The following ATP8B3 variants were observed in gnomAD, a reference collection of about 807,000 sequenced individuals.
ATP8B3 encodes phospholipid-transporting ATPase IK.
In ATP8B3, 141 loss-of-function variants were observed where a neutral mutation model predicts 140.9. That is an observed-to-expected ratio of 1.00 (90% confidence interval 0.87 to 1.15). ATP8B3 has a LOEUF of 1.15. ATP8B3 is among the 50% of genes most tolerant of loss of function. The pLI, the probability that ATP8B3 is intolerant of heterozygous loss-of-function variation, is 0.00. For missense variants in ATP8B3, 1,874 were observed against 1,740.6 expected (o/e 1.08, Z -1.36); for synonymous variants, 765 against 714.6 (o/e 1.07, Z -1.13).
In ATP8B3 at chr19:1,796,163, G is replaced by C; in HGVS notation, c.1856C>G (p.Thr619Arg). The change falls in exon 17 of 29, where the codon ACG (threonine) becomes AGG (arginine). Residue 619 changes from threonine (T) to arginine (R), a missense_variant. Around this residue, in one of 3 missense-constraint regions of ATP8B3, gnomAD observed 1,032 missense variants for 963.6 expected, o/e 1.07. Coordinates refer to ENST00000310127, the MANE Select transcript of ATP8B3 (RefSeq NM_138813.4). The stretch of plus-strand genomic sequence containing the variant: ...CCGTTCCTCCCCCAGCTCCATGATC[G>C]TGACGGTGTCCTGGGTGCGGGACAG... Reference protein sequence around the residue: ...VFLSRTQDTVTIMELGEERVY... With the variant: ...VFLSRTQDTVRIMELGEERVY... 2 of 1,612,990 alleles carry C rather than the reference G, an allele frequency of 1.2e-6. No homozygotes were observed. Among genetic ancestry groups the C allele is most frequent in the South Asian group, 1.1e-5 (1 of 91,084 alleles).
chr19:1,812,063 C>A (rs951435640), intron 1 of ATP8B3, 123 bp downstream of exon 1: 1 of 281,964 alleles, frequency 3.5e-6, no homozygotes, highest in Non-Finnish European at 6.6e-6. Context: ...CCCGACCGCG[C>A]GAACCTCTAG....
At chr19:1,787,583 G>C (rs1231081925) in intron 24 of ATP8B3, among the ~76,000 whole-genome samples, 1 of 152,010 alleles carries the variant, frequency 6.6e-6, no homozygotes, top group Non-Finnish European at 1.5e-5. Context: ...ATAAAAAGTA[G>C]CTGGGCGTGG....
At chr19:1,788,871 T>G (rs1568621273) in intron 24 of ATP8B3, 26 bp downstream of exon 24, 1 of 1,555,832 alleles carries the variant, frequency 6.4e-7, no homozygotes, top group Non-Finnish European at 8.7e-7. Context: ...GCCCTGGTCA[T>G]GGGGCAGCCA....
At chr19:1,801,505 C>G (rs1169650141) in intron 12 of ATP8B3, among the ~76,000 whole-genome samples, 1 of 152,146 alleles carries the variant, frequency 6.6e-6, no homozygotes, top group Non-Finnish European at 1.5e-5. Flanking sequence ...AATCCTAGCA[C>G]TTTGGGAGGC....
chr19:1,808,260 C>T lies in ATP8B3; in HGVS notation c.478G>A (p.Val160Met), dbSNP rs530836460. The T allele has an allele frequency of 1.5e-5, 24 of 1,612,948 alleles. No individual in the cohort carries two copies. Among genetic ancestry groups the T allele is most frequent in the African/African-American group, 1.2e-4 (9 of 75,026 alleles). The change falls in exon 5 of 29, where the codon GTG (valine) becomes ATG (methionine). Residue 160 changes from valine to methionine, a missense_variant. Transcript: ENST00000310127. ...PLNLYEQFHR[V>M]SNLFFLIIII... ...ATGATGAGGAAGAACAGGTTGGACA[C>T]GCGGTGGAACTGCTCGTACAGGTTC... is the stretch of plus-strand genomic sequence containing the variant.
Position 1,808,352 on chromosome 19 carries a change from G to C in ATP8B3, c.403-17C>G, listed in dbSNP as rs770927408. The C allele has an allele frequency of 1.5e-5, 24 of 1,595,136 alleles. No homozygotes were observed. The highest frequency in any genetic ancestry group is 2.0e-5 in the Non-Finnish European group (23 of 1,166,720). ...GACATTGGTCTGGAACGAGAGCCGC[G>C]GGCTGCCTGGCAGAGGGGTGCCATC... On this transcript the variant is annotated splice_polypyrimidine_tract_variant and intron_variant, in intron 4 of 28. Coordinates refer to ENST00000310127, the MANE Select transcript of ATP8B3 (RefSeq NM_138813.4).
Position 1,806,020 on chromosome 19 carries a change from G to C in ATP8B3, c.751-62C>G. 6.2e-7 allele frequency: 1 copy of C among 1,606,706 alleles called. No homozygotes were observed. Among genetic ancestry groups the C allele is most frequent in the Non-Finnish European group, 8.5e-7 (1 of 1,176,190 alleles). On this transcript the variant is annotated intron_variant, in intron 8 of 28. Transcript: ENST00000310127. This position sits in a 1 kb window ranked among gnomAD's most constrained non-coding sequence, Gnocchi z 5.6. ...TGCAAGACAAATTGGGGGTGCGGCA[G>C]CCCTCCCCACCCTGGGAGGGGTGCT...
At chr19:1,795,027 C>A (rs750383407) in intron 18 of ATP8B3, among the ~76,000 whole-genome samples, 1 of 152,158 alleles carries the variant, frequency 6.6e-6, no homozygotes, top group East Asian at 1.9e-4. Context: ...GAGGGCGAGG[C>A]GGGTGGATCA....
At position 1,785,313 on chromosome 19, in the gene ATP8B3, T is replaced by G. The variant is rs780011259; in HGVS notation, c.3394-16A>C. The stretch of plus-strand genomic sequence containing the variant: ...TAAGAATGACCTGGACAGGCAGCGG[T>G]GGGGTAAATCCGGGGCCTAGCGGGG... On this transcript the variant is annotated splice_polypyrimidine_tract_variant and intron_variant, in intron 26 of 28. Transcript: ENST00000310127. The G allele has an allele frequency of 1.3e-6, 2 of 1,579,704 alleles. No individual in the cohort carries two copies. Among genetic ancestry groups the G allele is most frequent in the South Asian group, 2.3e-5 (2 of 86,220 alleles).
intron 4 of ATP8B3, 54 bp downstream of exon 4, chr19:1,809,589 G>A (rs1425799018): frequency 3.7e-5 from 55 of 1,487,916 alleles, no homozygotes; most frequent in South Asian, 1.2e-5. Flanking sequence ...TAGATTCCCC[G>A]AGGGTACCAC....
intron 21 of ATP8B3, 114 bp from the exon 22 acceptor site, chr19:1,790,103 C>A (rs1314289124): frequency 2.8e-6 from 2 of 723,776 alleles, no homozygotes; most frequent in African/African-American, 3.7e-5. Flanking sequence ...ACCCCTGCCC[C>A]TTCTCCTCCC....
chr19:1,792,946 TG>T (rs1327577177), intron 18 of ATP8B3, among the ~76,000 whole-genome samples: 2 of 147,946 alleles, frequency 1.4e-5, no homozygotes, highest in East Asian at 3.9e-4. Context: ...AAAACTGAGC[TG>T]CCCCTGCTCC....
Position 1,796,883 on chromosome 19 carries a change from G to C in ATP8B3, c.1585-4C>G. ...TGTTCCAGAGGTAGGGGTTCTCCTG[G>C]GGGTGGCGGGGGCACGGGCCGGCTG... On this transcript the variant is annotated splice_region_variant and splice_polypyrimidine_tract_variant and intron_variant, in intron 15 of 28. Coordinates refer to ENST00000310127, the MANE Select transcript of ATP8B3 (RefSeq NM_138813.4). 6.2e-7 allele frequency: 1 copy of C among 1,611,122 alleles called. No homozygotes were observed.
Position 1,789,929 on chromosome 19 carries a change from C to A in ATP8B3, c.2439G>T (p.Ser813=), listed in dbSNP as rs772418650. 3.1e-6 allele frequency: 5 copies of A among 1,612,132 alleles called. No homozygotes were observed. The highest frequency in any genetic ancestry group is 1.1e-5 in the South Asian group (1 of 91,082). Residue 813 remains serine, a synonymous_variant, in exon 22 of 29, where the codon TCG becomes TCT. Coordinates refer to ENST00000310127, the MANE Select transcript of ATP8B3 (RefSeq NM_138813.4). The part of the protein sequence containing the change: ...SNNLLTRESL[S]QVKLALVING... ...TAATGACCAAGGCCAGCTTGACCTG[C>A]GACAGGGACTCCCTGGTTAGAAGGT...
Position 1,800,595 on chromosome 19 carries a change from G to T in ATP8B3, c.1153-146C>A. On this transcript the variant is annotated intron_variant, in intron 12 of 28. Transcript: ENST00000310127. The surrounding 1 kb of genome is among the most constrained non-coding windows in gnomAD (Gnocchi z 4.4). ...AGCACTTCAGGAGGCTAAGGCAGGC[G>T]GATGGCTTGACGTCAGGAGTTCAAG... 2 of 732,462 alleles carry T rather than the reference G, an allele frequency of 2.7e-6. No individual in the cohort carries two copies. The highest frequency in any genetic ancestry group is 4.4e-6 in the Non-Finnish European group (2 of 451,896). The allele number at this position is 732,462 out of a possible 1,614,324, so 45.4% of individuals were successfully genotyped here.
At position 1,805,940 on chromosome 19, in the gene ATP8B3, CCAG is replaced by C; in HGVS notation, c.766_768del (p.Leu256del). The C allele has an allele frequency of 6.2e-7, 1 of 1,611,040 alleles. No homozygotes were observed. The highest frequency in any genetic ancestry group is 8.5e-7 in the Non-Finnish European group (1 of 1,178,300). ...CACAGGCTGCTGGGCTCCGTGCTGG[CCAG>C]CAAGAGCATGTCGGCCTGGTGTGGA... is the stretch of plus-strand genomic sequence containing the variant. On this transcript the variant is annotated inframe_deletion, in exon 9 of 29. Transcript: ENST00000310127. The surrounding 1 kb of genome is among the most constrained non-coding windows in gnomAD (Gnocchi z 5.2).
At chr19:1,802,069 A>AAACCCCC in intron 11 of ATP8B3, 25 bp from the exon 12 acceptor site, 1 of 1,112,376 alleles carries the variant, frequency 9.0e-7, no homozygotes, top group Non-Finnish European at 1.2e-6. Flanking sequence ...CCATCTATCC[A>AAACCCCC]CCCACCCACC....
chr19:1,795,847 AT>A lies in ATP8B3; in HGVS notation c.2055+27del, dbSNP rs34159575. The A allele has an allele frequency of 6.1e-4, 769 of 1,264,650 alleles. 8 individuals carry two copies. The African/African-American group carries it at 8.4e-3, about 14-fold the overall frequency. 78.3% of individuals were successfully genotyped at this position (1,264,650 alleles called of 1,614,324 possible). A position where few individuals can be genotyped will look rare whatever the true frequency, so the allele number is the denominator to read the frequency against. On this transcript the variant is annotated intron_variant, in intron 18 of 28. Transcript: ENST00000310127. Reference sequence around the variant, plus strand: ...CACACACACACACACACACACACACATAAGCCAGCCTTCCTGAAGGGACTCA... The same window carrying A: ...CACACACACACACACACACACACACAAAGCCAGCCTTCCTGAAGGGACTCA...
At chr19:1,810,728 T>C (rs762656835) in intron 2 of ATP8B3, 45 bp from the exon 3 acceptor site, 62 of 1,575,868 alleles carry the variant, frequency 3.9e-5, no homozygotes, top group Non-Finnish European at 4.6e-5. Flanking sequence ...ACCCCAGCCC[T>C]TGCTGGGCAC....
Sources: allele counts gnomAD v4.1 joint callset (sites outside exome capture counted in the v4.1 genomes callset), GRCh38; gene constraint gnomAD v4.1.1; regional missense constraint gnomAD v4.1.1; non-coding constraint Gnocchi (gnomAD v3.1); transcripts MANE v1.5; gene names NCBI Gene and HGNC (gene_info 2026-07-23, HGNC 2026-07-21).